The following ATRNL1 variants were observed in gnomAD, a reference collection of about 807,000 sequenced individuals.
ATRNL1 encodes the protein attractin like 1.
In ATRNL1, 95 loss-of-function variants were observed where a neutral mutation model predicts 182.7. The observed-to-expected ratio is 0.52, with a 90% CI of 0.44 to 0.62. The LOEUF (loss-of-function observed/expected upper bound fraction) is 0.62, where lower values mean the gene tolerates loss of function less well. Among genes scored for constraint, ATRNL1 ranks in the 20% least tolerant of loss-of-function variants. ATRNL1 has a pLI of 0.00. For synonymous variants in ATRNL1, 576 were observed against 568.3 expected (o/e 1.01, Z -0.19); for missense variants, 1,471 against 1,679.5 (o/e 0.88, Z 2.17).
At chr10:115,323,692 C>T (rs1554932257) in intron 18 of ATRNL1, among the ~76,000 whole-genome samples, 1 of 152,118 alleles carries the variant, frequency 6.6e-6, no homozygotes, top group Non-Finnish European at 1.5e-5. Context: ...GATCTGCCCA[C>T]CTTGGCCTCC....
intron 16 of ATRNL1, 89 bp downstream of exon 16, chr10:115,300,336 A>G (rs528031963): frequency 4.1e-6 from 4 of 981,356 alleles, no homozygotes; most frequent in Non-Finnish European, 2.9e-6. Flanking sequence ...GTCTTATTCT[A>G]TGATATTTAT....
chr10:115,569,871 A>G (rs1447874538), intron 26 of ATRNL1, among the ~76,000 whole-genome samples: 1 of 152,068 alleles, frequency 6.6e-6, no homozygotes, highest in Non-Finnish European at 1.5e-5. Context: ...AGTATATCTC[A>G]TACAGCTCTG....
intron 25 of ATRNL1, among the ~76,000 whole-genome samples, chr10:115,540,570 G>A (rs1405807143): frequency 6.6e-6 from 1 of 151,906 alleles, no homozygotes; most frequent in African/African-American, 2.4e-5. Flanking sequence ...GACCAGCCTG[G>A]CCAAGATAGT....
chr10:115,321,641 A>G (rs1554931551), intron 18 of ATRNL1, among the ~76,000 whole-genome samples: 1 of 145,638 alleles, frequency 6.9e-6, no homozygotes, highest in East Asian at 2.0e-4. Flanking sequence ...GAACATAGCT[A>G]TCATAATACT....
At chr10:115,552,873 A>G (rs1465473548) in intron 26 of ATRNL1, among the ~76,000 whole-genome samples, 2 of 151,396 alleles carry the variant, frequency 1.3e-5, no homozygotes, top group African/African-American at 4.8e-5. Context: ...ATAAGTGTAT[A>G]TTGATAAGTG....
chr10:115,893,884 A>G (rs1012023215), intron 28 of ATRNL1, among the ~76,000 whole-genome samples: 1 of 152,202 alleles, frequency 6.6e-6, no homozygotes, highest in African/African-American at 2.4e-5. Context: ...GTTTCATGCC[A>G]GGGTCAGTAG....
intron 26 of ATRNL1, among the ~76,000 whole-genome samples, chr10:115,571,994 A>T (rs930148326): frequency 2.0e-5 from 3 of 152,084 alleles, no homozygotes; most frequent in African/African-American, 7.2e-5. Context: ...TATGATGTTT[A>T]TATGAAATGT....
rs987346781 is a variant in ATRNL1 at position 115,947,504 on chromosome 10, A to G, written c.*2725A>G. 2.6e-5 allele frequency: 4 copies of G among 152,670 alleles called. No individual in the cohort carries two copies. Among genetic ancestry groups the G allele is most frequent in the African/African-American group, 9.6e-5 (4 of 41,462 alleles). The allele number at this position is 152,670 out of a possible 1,614,324, so 9.5% of individuals were successfully genotyped here. A position where few individuals can be genotyped will look rare whatever the true frequency, so the allele number is the denominator to read the frequency against. ...TTGAACTAGAAAATTCCTATTGGAA[A>G]AGAATTTGCACATACTTACAGATTC... On this transcript the variant is annotated 3_prime_UTR_variant, in exon 29 of 29. Coordinates refer to ENST00000355044, the MANE Select transcript of ATRNL1 (RefSeq NM_207303.4).
intron 26 of ATRNL1, among the ~76,000 whole-genome samples, chr10:115,617,668 G>A (rs1354027655): frequency 2.6e-5 from 4 of 152,052 alleles, no homozygotes; most frequent in African/African-American, 9.7e-5. Context: ...AACTAACTTT[G>A]TTTTTATTTT....
chr10:115,809,961 A>AT (rs1217278862), intron 27 of ATRNL1, among the ~76,000 whole-genome samples: 1 of 151,786 alleles, frequency 6.6e-6, no homozygotes, highest in African/African-American at 2.4e-5. Context: ...AGTTTAGGAA[A>AT]TTTTCTATTC....
In ATRNL1 at chr10:115,539,165, CT is replaced by C. The variant is rs1476191915; in HGVS notation, c.3717-10292del. ...GTATTTTTACATTGTACCTTTAGATCTGTGATCCATTTCAGTTATTTTTTGT... is the reference window on the plus strand; with the variant it reads ...GTATTTTTACATTGTACCTTTAGATCGTGATCCATTTCAGTTATTTTTTGT... On this transcript the variant is annotated intron_variant, in intron 25 of 28. Coordinates refer to ENST00000355044, the MANE Select transcript of ATRNL1 (RefSeq NM_207303.4). 1.1e-4 allele frequency among the ~76,000 whole-genome samples: 17 copies of C among 152,276 alleles called. 1 individual carries two copies. In the East Asian group the frequency reaches 3.3e-3, roughly 29 times the overall value.
intron 24 of ATRNL1, among the ~76,000 whole-genome samples, chr10:115,475,873 T>C (rs1208550202): frequency 6.6e-6 from 1 of 151,386 alleles, no homozygotes; most frequent in Non-Finnish European, 1.5e-5. Flanking sequence ...AATTTATTCC[T>C]TTATCTTTTA....
intron 26 of ATRNL1, among the ~76,000 whole-genome samples, chr10:115,625,932 C>G (rs1486710712): frequency 6.6e-6 from 1 of 152,124 alleles, no homozygotes; most frequent in East Asian, 1.9e-4. Flanking sequence ...TCCTTGAATG[C>G]ATACCCTTAC....
At chr10:115,806,828 T>G (rs1555085725) in intron 27 of ATRNL1, among the ~76,000 whole-genome samples, 1 of 152,102 alleles carries the variant, frequency 6.6e-6, no homozygotes, top group Admixed American at 6.6e-5. Flanking sequence ...ACTTATAGGG[T>G]TCGTATGAGG....
intron 8 of ATRNL1, among the ~76,000 whole-genome samples, chr10:115,173,571 T>A (rs183198317): frequency 2.6e-5 from 4 of 151,972 alleles, no homozygotes; most frequent in Non-Finnish European, 5.9e-5. Flanking sequence ...GGAAGTAAAA[T>A]TTTAAAGTGT....
rs556006780 is a variant in ATRNL1 at position 115,126,225 on chromosome 10, T to A, written c.492-1368T>A. On this transcript the variant is annotated intron_variant, in intron 3 of 28. Transcript: ENST00000355044. ...GGCATGCACCACCGTGCCCACCTGA[T>A]TTTTTTGTATTTTTAGTAGAAATGG... is the stretch of plus-strand genomic sequence containing the variant. Among the ~76,000 whole-genome samples, 5 of 152,208 alleles carry A rather than the reference T, an allele frequency of 3.3e-5. No individual in the cohort carries two copies. The East Asian group carries it at 9.7e-4, about 29-fold the overall frequency.
chr10:115,659,631 T>G (rs1366440504), intron 26 of ATRNL1, among the ~76,000 whole-genome samples: 1 of 152,096 alleles, frequency 6.6e-6, no homozygotes, highest in East Asian at 1.9e-4. Flanking sequence ...AGTTATTTAA[T>G]GTAATGAGTC....
intron 19 of ATRNL1, among the ~76,000 whole-genome samples, chr10:115,336,945 A>T (rs1418009932): frequency 2.0e-5 from 3 of 150,546 alleles, no homozygotes; most frequent in African/African-American, 7.4e-5. Context: ...TCCTGGGTTC[A>T]AGCAATTCTC....
At chr10:115,313,251 T>C (rs1854125133) in intron 17 of ATRNL1, among the ~76,000 whole-genome samples, 1 of 152,104 alleles carries the variant, frequency 6.6e-6, no homozygotes. Flanking sequence ...TTCTTATTTC[T>C]GTAGGTTCTT....
Sources: gnomAD v4.1 joint callset for allele counts (sites outside exome capture counted in the v4.1 genomes callset) on GRCh38, gnomAD v4.1.1 for gene constraint, MANE v1.5 for transcripts, NCBI Gene and HGNC (gene_info 2026-07-23, HGNC 2026-07-21) for gene names.